Variants in CFAP20DC observed in about 807,000 individuals in gnomAD.
CFAP20DC encodes the protein protein CFAP20DC.
CFAP20DC carries 84 observed loss-of-function variants against 101.7 expected under a neutral mutation model. The ratio of observed to expected loss-of-function variants is 0.83; its 90% CI spans 0.69 to 0.99. The LOEUF (loss-of-function observed/expected upper bound fraction) is 0.99, where lower values mean the gene tolerates loss of function less well. Among genes scored for constraint, CFAP20DC ranks in the 50% least tolerant of loss-of-function variants. The pLI is 0.00. For synonymous variants in CFAP20DC, 359 were observed against 351.2 expected (o/e 1.02, Z -0.25); for missense variants, 1,007 against 970.3 (o/e 1.04, Z -0.50).
chr3:58,834,525 CA>C (rs1477332143), intron 13 of CFAP20DC, among the ~76,000 whole-genome samples: 2 of 152,092 alleles, frequency 1.3e-5, no homozygotes, highest in Non-Finnish European at 2.9e-5. Flanking sequence ...GCCTGAAGAA[CA>C]ACACTGGGTT....
At chr3:58,819,662 C>A (rs1307263876) in intron 14 of CFAP20DC, among the ~76,000 whole-genome samples, 1 of 145,286 alleles carries the variant, frequency 6.9e-6, no homozygotes, top group African/African-American at 2.6e-5. Context: ...AGCTTACCAA[C>A]CAAAAAGAGT....
chr3:58,793,875 G>A (rs1303811393), intron 15 of CFAP20DC, among the ~76,000 whole-genome samples: 1 of 152,104 alleles, frequency 6.6e-6, no homozygotes, highest in African/African-American at 2.4e-5. Context: ...AATACAAATG[G>A]TTCCACTGCT....
intron 16 of CFAP20DC, 68 bp from the exon 17 acceptor site, chr3:58,742,640 C>T (rs1263569993): frequency 1.4e-5 from 16 of 1,155,434 alleles, no homozygotes; most frequent in Middle Eastern, 2.1e-4. Flanking sequence ...ACAAGGGCAA[C>T]GAAGCAGGAA....
intron 5 of CFAP20DC, among the ~76,000 whole-genome samples, chr3:58,923,734 T>C (rs533950918): frequency 6.6e-6 from 1 of 152,348 alleles, no homozygotes; most frequent in Non-Finnish European, 1.5e-5. Flanking sequence ...GCCTGTATTA[T>C]TTCCTCAGCT....
In CFAP20DC at chr3:58,813,685, T is replaced by C. The variant is rs561930433; in HGVS notation, c.2176-7229A>G. 5.1e-4 allele frequency among the ~76,000 whole-genome samples: 78 copies of C among 152,058 alleles called. 2 individuals are homozygous for C. Among genetic ancestry groups the C allele is most frequent in the African/African-American group, 1.7e-3 (72 of 41,354 alleles). On this transcript the variant is annotated intron_variant, in intron 14 of 16. Coordinates refer to ENST00000482387, the MANE Select transcript of CFAP20DC (RefSeq NM_001394063.1). ...AAACTGTCTTCCTCTATAAATTATC[T>C]CTTGGAAGTGTTCCTTTAATTTAAA... is the stretch of plus-strand genomic sequence containing the variant.
intron 14 of CFAP20DC, among the ~76,000 whole-genome samples, chr3:58,809,103 C>A (rs1159323905): frequency 1.3e-5 from 2 of 152,074 alleles, no homozygotes; most frequent in Admixed American, 6.5e-5. Context: ...TAGACTCCCA[C>A]ACAATAATAA....
At chr3:58,761,957 C>G (rs530481569) in intron 15 of CFAP20DC, among the ~76,000 whole-genome samples, 2 of 151,884 alleles carry the variant, frequency 1.3e-5, no homozygotes, top group Non-Finnish European at 1.5e-5. Context: ...TTACTTCCAA[C>G]TATGTGGTCA....
At position 58,988,031 on chromosome 3, in the gene CFAP20DC, T is replaced by C. The variant is rs562504439; in HGVS notation, c.279-50269A>G. Among the ~76,000 whole-genome samples, 9 of 152,174 alleles carry C rather than the reference T, an allele frequency of 5.9e-5. No homozygotes were observed. In the South Asian group the frequency reaches 1.9e-3, roughly 32 times the overall value. ...TTATAAAATAATCTAATAATGAATG[T>C]ATGTGTCTACAAGTCTTAAATAAAG... On this transcript the variant is annotated intron_variant, in intron 4 of 16. Coordinates refer to ENST00000482387, the MANE Select transcript of CFAP20DC (RefSeq NM_001394063.1).
rs2074128389 is a variant in CFAP20DC at position 58,807,003 on chromosome 3, G to A, written c.2176-547C>T. On this transcript the variant is annotated intron_variant, in intron 14 of 16. Coordinates refer to ENST00000482387, the MANE Select transcript of CFAP20DC (RefSeq NM_001394063.1). ...TCTGAGATCAAACTGCAAGGCGGCA[G>A]TGAGGCTGGGGGAGGGGTGCCCGCC... 2.0e-5 allele frequency among the ~76,000 whole-genome samples: 3 copies of A among 152,312 alleles called. No homozygotes were observed. The South Asian group carries it at 6.2e-4, about 32-fold the overall frequency.
chr3:58,879,211 C>A (rs2081033777), intron 7 of CFAP20DC, among the ~76,000 whole-genome samples: 1 of 152,056 alleles, frequency 6.6e-6, no homozygotes, highest in Admixed American at 6.6e-5. Context: ...CACCAAGAAA[C>A]AATAAATGCT....
intron 16 of CFAP20DC, among the ~76,000 whole-genome samples, chr3:58,742,910 A>G (rs548027866): frequency 6.6e-6 from 1 of 152,304 alleles, no homozygotes; most frequent in African/African-American, 2.4e-5. Context: ...AGGATCCAAA[A>G]CTAATTGTCA....
At position 58,949,298 on chromosome 3, in the gene CFAP20DC, A is replaced by T. The variant is rs531126878; in HGVS notation, c.279-11536T>A. Among the ~76,000 whole-genome samples the T allele has an allele frequency of 4.6e-5, 7 of 151,680 alleles. No homozygotes were observed. The South Asian group carries it at 1.5e-3, about 32-fold the overall frequency. On this transcript the variant is annotated intron_variant, in intron 4 of 16. Transcript: ENST00000482387. Reference sequence around the variant, plus strand: ...CTCTATTTCCTTCAGTTCTGCTCTGATCTTAGTTATTTCTTGCCTTCTGCT... The same window carrying T: ...CTCTATTTCCTTCAGTTCTGCTCTGTTCTTAGTTATTTCTTGCCTTCTGCT...
intron 13 of CFAP20DC, among the ~76,000 whole-genome samples, chr3:58,842,349 C>A (rs570234215): frequency 6.6e-6 from 1 of 152,308 alleles, no homozygotes; most frequent in African/African-American, 2.4e-5. Context: ...ATTGCCTCAC[C>A]TGGGAAGCGC....
At chr3:59,032,904 G>A (rs554661077) in intron 4 of CFAP20DC, among the ~76,000 whole-genome samples, 3 of 152,102 alleles carry the variant, frequency 2.0e-5, no homozygotes, top group South Asian at 2.1e-4. Context: ...TCCTGACTAG[G>A]AGACACCTCC....
intron 5 of CFAP20DC, among the ~76,000 whole-genome samples, 166 bp downstream of exon 5, chr3:58,937,482 C>G (rs1454469490): frequency 6.6e-6 from 1 of 152,180 alleles, no homozygotes; most frequent in African/African-American, 2.4e-5. Flanking sequence ...CGTTATTCCA[C>G]TTAGATGTTA....
chr3:58,832,804 CCTTT>C (rs1465305739), intron 13 of CFAP20DC, among the ~76,000 whole-genome samples: 3 of 151,626 alleles, frequency 2.0e-5, no homozygotes, highest in Non-Finnish European at 4.4e-5. Flanking sequence ...CAAAATTTTC[CCTTT>C]CTTTCTCTCT....
At chr3:58,774,775 A>G (rs2071169153) in intron 15 of CFAP20DC, among the ~76,000 whole-genome samples, 1 of 152,250 alleles carries the variant, frequency 6.6e-6, no homozygotes, top group Admixed American at 6.5e-5. Context: ...ATGTCAAAAT[A>G]TCTAATACAA....
chr3:59,029,104 G>A (rs1428558580), intron 4 of CFAP20DC, among the ~76,000 whole-genome samples: 3 of 152,078 alleles, frequency 2.0e-5, no homozygotes, highest in Admixed American at 1.3e-4. Flanking sequence ...TTCACTCACA[G>A]AGTAACCTCT....
intron 14 of CFAP20DC, among the ~76,000 whole-genome samples, chr3:58,813,815 C>A (rs1237565785): frequency 2.0e-5 from 3 of 151,862 alleles, no homozygotes; most frequent in African/African-American, 7.3e-5. Context: ...AATATCAATG[C>A]ATCACCATTT....
Sources: allele counts gnomAD v4.1 joint callset (sites outside exome capture counted in the v4.1 genomes callset), GRCh38; gene constraint gnomAD v4.1.1; transcripts MANE v1.5; gene names NCBI Gene and HGNC (gene_info 2026-07-23, HGNC 2026-07-21).